The following PCDHA5 variants were observed in gnomAD, a reference collection of about 807,000 sequenced individuals.
PCDHA5 encodes protocadherin alpha 5.
In PCDHA5, 43 loss-of-function variants were observed where a neutral mutation model predicts 61.6. The ratio of observed to expected loss-of-function variants is 0.70; its 90% CI spans 0.55 to 0.90. The LOEUF is 0.90. Among genes scored for constraint, PCDHA5 ranks in the 40% least tolerant of loss-of-function variants. The pLI is 0.00. For missense variants in PCDHA5, 1,298 were observed against 1,222.7 expected, an observed-to-expected ratio of 1.06 and a Z score of -0.92; for synonymous variants, 627 against 543.9, an observed-to-expected ratio of 1.15 and a Z score of -2.13.
chr5:140,877,206 C>T (rs782807049), intron 1 of PCDHA5: 3 of 1,613,650 alleles, frequency 1.9e-6, no homozygotes, highest in African/African-American at 2.7e-5. Flanking sequence ...GCGCAGTTAG[C>T]GAGTTGGTAC....
Position 140,834,565 on chromosome 5 carries a change from C to A in PCDHA5, c.2352+10438C>A, listed in dbSNP as rs376907347. 4 of 1,613,968 alleles carry A rather than the reference C, an allele frequency of 2.5e-6. No homozygotes were observed. In the South Asian group the frequency reaches 3.3e-5, roughly 13 times the overall value. On this transcript the variant is annotated intron_variant, in intron 1 of 3. Transcript: ENST00000529859. ...GGGCTGGAGCTGGCGGAGCTGGTGC[C>A]GCGCCTGTTCCGGGCGGTGTGCAAA...
intron 1 of PCDHA5, chr5:140,848,634 C>A (rs1364235763): frequency 1.1e-5 from 17 of 1,593,322 alleles, no homozygotes; most frequent in Non-Finnish European, 1.5e-5. Context: ...CTTCGTGGGC[C>A]GCATCGCGCA....
intron 3 of PCDHA5, among the ~76,000 whole-genome samples, chr5:141,000,018 A>G (rs2097889437): frequency 6.6e-6 from 1 of 152,038 alleles, no homozygotes; most frequent in East Asian, 1.9e-4. Flanking sequence ...CCCCATTGCT[A>G]AGCCTGACAT....
chr5:140,891,378 T>C (rs141028628), intron 1 of PCDHA5, among the ~76,000 whole-genome samples: 2 of 152,104 alleles, frequency 1.3e-5, no homozygotes, highest in African/African-American at 4.8e-5. Context: ...CATTGCACCA[T>C]ATTTGCAATC....
chr5:140,855,039 T>C lies in PCDHA5; in HGVS notation c.2352+30912T>C, dbSNP rs1287918149. ...AAACTTCTTGTATAAAGGATTTTTC[T>C]GTAATAGTACTTTTCTGTTTTCTTA... is the stretch of plus-strand genomic sequence containing the variant. On this transcript the variant is annotated intron_variant, in intron 1 of 3. Transcript: ENST00000529859. Among the ~76,000 whole-genome samples the C allele has an allele frequency of 2.0e-5, 3 of 150,016 alleles. 1 individual carries two copies. The highest frequency in any genetic ancestry group is 7.3e-5 in the African/African-American group (3 of 40,938).
In PCDHA5 at chr5:140,822,525, G is replaced by A; in HGVS notation, c.750G>A (p.Leu250=). The A allele has an allele frequency of 2.5e-6, 4 of 1,613,928 alleles. No individual in the cohort carries two copies. Among genetic ancestry groups the A allele is most frequent in the Non-Finnish European group, 3.4e-6 (4 of 1,180,004 alleles). Residue 250 remains leucine, a synonymous_variant, in exon 1 of 4, where the codon TTG becomes TTA. Transcript: ENST00000529859. ...EFDKSIYNVR[L]LENAPSGTLV... ...ATAAATCCATTTATAATGTCAGATTGTTGGAAAATGCACCAAGTGGGACAT... is the reference window on the plus strand; with the variant it reads ...ATAAATCCATTTATAATGTCAGATTATTGGAAAATGCACCAAGTGGGACAT...
intron 1 of PCDHA5, chr5:140,829,633 C>A (rs2150171789): frequency 1.7e-5 from 27 of 1,612,154 alleles, no homozygotes; most frequent in South Asian, 1.1e-5. Context: ...ACGCGGAGAG[C>A]GGCAAGGTGT....
chr5:140,996,293 A>T (rs1481852263), intron 3 of PCDHA5, among the ~76,000 whole-genome samples: 1 of 152,264 alleles, frequency 6.6e-6, no homozygotes, highest in African/African-American at 2.4e-5. Context: ...CAAGAAGCAC[A>T]GATTGTAACA....
intron 1 of PCDHA5, chr5:140,875,264 C>G: frequency 8.4e-7 from 1 of 1,189,324 alleles, no homozygotes; most frequent in Non-Finnish European, 1.1e-6. Flanking sequence ...TGATGTCGCT[C>G]TACACTCAGA....
At position 140,822,821 on chromosome 5, in the gene PCDHA5, T is replaced by C. The variant is rs2150119660; in HGVS notation, c.1046T>C (p.Met349Thr). Residue 349 changes from methionine to threonine, a missense_variant, in exon 1 of 4, where the codon ATG becomes ACG. Coordinates refer to ENST00000529859, the MANE Select transcript of PCDHA5 (RefSeq NM_018908.3). ...GATGTGAATGATAATACCCCAGAGATGGCCATAACCACCCTTTTCCTGCCT... is the reference window on the plus strand; with the variant it reads ...GATGTGAATGATAATACCCCAGAGACGGCCATAACCACCCTTTTCCTGCCT... ...LLDVNDNTPE[M>T]AITTLFLPVK... is the part of the protein sequence containing the mutation. 4.3e-6 allele frequency: 7 copies of C among 1,614,038 alleles called. No homozygotes were observed. In the African/African-American group the frequency reaches 5.3e-5, roughly 12 times the overall value.
At position 140,926,851 on chromosome 5, in the gene PCDHA5, T is replaced by G. The variant is rs201136210; in HGVS notation, c.2353-52098T>G. On this transcript the variant is annotated intron_variant, in intron 1 of 3. Transcript: ENST00000529859. The stretch of plus-strand genomic sequence containing the variant: ...TCCGGAGCATGGTCCTGGGTCACCG[T>G]TGGTGTAGCGTGTTGGTGGAACGTG... 3 of 1,517,102 alleles carry G rather than the reference T, an allele frequency of 2.0e-6. No homozygotes were observed. In the African/African-American group the frequency reaches 4.2e-5, roughly 21 times the overall value. The allele number at this position is 1,517,102 out of a possible 1,614,324, so 94.0% of individuals were successfully genotyped here.
intron 1 of PCDHA5, among the ~76,000 whole-genome samples, chr5:140,904,937 A>C (rs2071485651): frequency 6.6e-6 from 1 of 152,190 alleles, no homozygotes; most frequent in Non-Finnish European, 1.5e-5. Flanking sequence ...GGTTCTGGAT[A>C]TTAGTCCTTT....
intron 1 of PCDHA5, among the ~76,000 whole-genome samples, chr5:140,919,772 A>G (rs1421766938): frequency 6.6e-6 from 1 of 152,102 alleles, no homozygotes; most frequent in Non-Finnish European, 1.5e-5. Context: ...TATTACTGTT[A>G]CACATATTAC....
At chr5:140,830,423 C>G (rs782793834) in intron 1 of PCDHA5, 1 of 1,613,982 alleles carries the variant, frequency 6.2e-7, no homozygotes, top group East Asian at 2.2e-5. Context: ...CAGCCTTTCA[C>G]CTTGTCCTAT....
intron 1 of PCDHA5, chr5:140,877,865 T>C (rs1554170196): frequency 1.3e-6 from 2 of 1,496,610 alleles, no homozygotes; most frequent in South Asian, 2.8e-5. Flanking sequence ...TATTTAGATA[T>C]ATTTGTTTCC....
At chr5:140,947,436 G>C (rs269551) in intron 1 of PCDHA5, among the ~76,000 whole-genome samples, 37,364 of 151,424 alleles carry the variant, frequency 0.25, 5,790 homozygotes, top group African/African-American at 0.44. Flanking sequence ...TTGAAAATCA[G>C]CTGTGAAATC....
chr5:140,929,875 G>A lies in PCDHA5; in HGVS notation c.2353-49074G>A, dbSNP rs1326750420. 4 of 153,064 alleles carry A rather than the reference G, an allele frequency of 2.6e-5. No individual in the cohort carries two copies. The East Asian group carries it at 7.7e-4, about 29-fold the overall frequency. 9.5% of individuals were successfully genotyped at this position (153,064 alleles called of 1,614,324 possible). A position where few individuals can be genotyped will look rare whatever the true frequency, so the allele number is the denominator to read the frequency against. On this transcript the variant is annotated intron_variant, in intron 1 of 3. Transcript: ENST00000529859. ...GAGTCAGAGAAGGCTTTGTGATAGAGATCACAGATTTAGTTGGATCTTTAA... is the reference window on the plus strand; with the variant it reads ...GAGTCAGAGAAGGCTTTGTGATAGAAATCACAGATTTAGTTGGATCTTTAA...
chr5:140,993,783 T>C (rs1402072576), intron 3 of PCDHA5, among the ~76,000 whole-genome samples: 2 of 152,230 alleles, frequency 1.3e-5, no homozygotes, highest in East Asian at 3.9e-4. Flanking sequence ...TTTTGTACAG[T>C]AACATGCTGT....
chr5:141,008,786 T>C (rs2098390952), intron 3 of PCDHA5, among the ~76,000 whole-genome samples: 1 of 152,212 alleles, frequency 6.6e-6, no homozygotes, highest in South Asian at 2.1e-4. Context: ...TGGCTCCCAG[T>C]GTTTTATCTA....
Sources: gnomAD v4.1 joint callset for allele counts (sites outside exome capture counted in the v4.1 genomes callset) on GRCh38, gnomAD v4.1.1 for gene constraint, MANE v1.5 for transcripts, NCBI Gene and HGNC (gene_info 2026-07-23, HGNC 2026-07-21) for gene names.